Variants in ATP7B observed in about 807,000 individuals in gnomAD.
ATP7B encodes copper-transporting ATPase 2.
A neutral mutation model predicts 118.9 loss-of-function variants in ATP7B; 113 were observed. That is an observed-to-expected ratio of 0.95 (90% CI 0.82 to 1.11). The LOEUF (loss-of-function observed/expected upper bound fraction) is 1.11, where lower values mean the gene tolerates loss of function less well. Among genes scored for constraint, ATP7B ranks in the 50% most tolerant of loss-of-function variants. ATP7B has a pLI of 0.00. For missense variants in ATP7B, 1,867 were observed against 1,871.4 expected, an observed-to-expected ratio of 1.00 and a Z score of 0.04; for synonymous variants, 777 against 727.4, an observed-to-expected ratio of 1.07 and a Z score of -1.10.
chr13:51,973,147 G>A (rs1951922812), intron 2 of ATP7B, among the ~76,000 whole-genome samples: 1 of 152,136 alleles, frequency 6.6e-6, no homozygotes, highest in South Asian at 2.1e-4. Flanking sequence ...TTACCAGCAT[G>A]GTCTCTAGGT....
chr13:51,954,505 G>C (rs1452364333), intron 9 of ATP7B, among the ~76,000 whole-genome samples: 1 of 152,268 alleles, frequency 6.6e-6, no homozygotes, highest in Non-Finnish European at 1.5e-5. Context: ...AGTATGAAGA[G>C]ACAGCTGCGG....
At chr13:51,937,415 T>G in intron 18 of ATP7B, 22 bp from the exon 19 acceptor site, 6 of 1,614,144 alleles carry the variant, frequency 3.7e-6, no homozygotes, top group Non-Finnish European at 5.1e-6. Context: ...GAGCACACAG[T>G]GAGGAAGGGG....
At position 51,960,186 on chromosome 13, in the gene ATP7B, G is replaced by A; in HGVS notation, c.2083C>T (p.Leu695=). 2 of 1,613,986 alleles carry A rather than the reference G, an allele frequency of 1.2e-6. No homozygotes were observed. Among genetic ancestry groups the A allele is most frequent in the South Asian group, 2.2e-5 (2 of 91,074 alleles). The change falls in exon 7 of 21, where the codon CTA becomes TTA. Residue 695 remains leucine, a synonymous_variant. Transcript: ENST00000242839. ...DHNIIPGLSI[L]NLIFFILCTF... ...CACAAGATAAAGAAGATGAGATTTA[G>A]AATGGACAGTCCTGGAATGATGTTG...
chr13:51,974,407 G>C lies in ATP7B; in HGVS notation c.813C>G (p.Cys271Trp). The C allele has an allele frequency of 1.2e-6, 2 of 1,613,964 alleles. No individual in the cohort carries two copies. Among genetic ancestry groups the C allele is most frequent in the African/African-American group, 1.3e-5 (1 of 74,998 alleles). ...CAATATTTTCTTCAATATTCAAGACGCAAGACTTACAATGCATTCCATCTA... is the reference window on the plus strand; with the variant it reads ...CAATATTTTCTTCAATATTCAAGACCCAAGACTTACAATGCATTCCATCTA... ...LRIDGMHCKS[C>W]VLNIEENIGQ... Residue 271 changes from cysteine (C) to tryptophan (W), a missense_variant, in exon 2 of 21, where the codon TGC becomes TGG. By Grantham distance (215) the Cys-to-Trp change is radical. Coordinates refer to ENST00000242839, the MANE Select transcript of ATP7B (RefSeq NM_000053.4).
chr13:51,939,000 T>C (rs1480129579), intron 17 of ATP7B, 51 bp downstream of exon 17: 6 of 1,614,020 alleles, frequency 3.7e-6, no homozygotes, highest in Non-Finnish European at 5.1e-6. Context: ...TACTTTTGTC[T>C]CTAACTGCTT....
chr13:51,960,330 G>A lies in ATP7B; in HGVS notation c.1947-8C>T. The A allele has an allele frequency of 6.2e-7, 1 of 1,612,206 alleles. No individual in the cohort carries two copies. Among genetic ancestry groups the A allele is most frequent in the Non-Finnish European group, 8.5e-7 (1 of 1,179,532 alleles). On this transcript the variant is annotated splice_region_variant and splice_polypyrimidine_tract_variant and intron_variant, in intron 6 of 20. Coordinates refer to ENST00000242839, the MANE Select transcript of ATP7B (RefSeq NM_000053.4). ...AGGAAAGACTTCTTCCACCTGGAAAGCAAATGCAGCAACACAGATATATCA... is the reference window on the plus strand; with the variant it reads ...AGGAAAGACTTCTTCCACCTGGAAAACAAATGCAGCAACACAGATATATCA...
rs1266650134 is a variant in ATP7B at position 51,934,200 on chromosome 13, G to C, written c.*556C>G. The stretch of plus-strand genomic sequence containing the variant: ...CAGGTGACAGGCAGGGTTGCGAGGG[G>C]TCCCCACTGACAAGCACACAGGAGA... On this transcript the variant is annotated 3_prime_UTR_variant, in exon 21 of 21. Coordinates refer to ENST00000242839, the MANE Select transcript of ATP7B (RefSeq NM_000053.4). The C allele has an allele frequency of 5.3e-6, 1 of 188,532 alleles. No individual in the cohort carries two copies. Among genetic ancestry groups the C allele is most frequent in the Non-Finnish European group, 1.1e-5 (1 of 89,228 alleles). The allele number at this position is 188,532 out of a possible 1,614,324, so 11.7% of individuals were successfully genotyped here.
Position 51,934,836 on chromosome 13 carries a change from G to A in ATP7B, c.4318C>T (p.Arg1440Trp), listed in dbSNP as rs543334965. 34 of 1,614,206 alleles carry A rather than the reference G, an allele frequency of 2.1e-5. 1 individual carries two copies. The highest frequency in any genetic ancestry group is 1.1e-4 in the South Asian group (10 of 91,086). The change falls in exon 21 of 21, where the codon CGG (arginine) becomes TGG (tryptophan). Residue 1440 changes from arginine (R) to tryptophan (W), a missense_variant. Coordinates refer to ENST00000242839, the MANE Select transcript of ATP7B (RefSeq NM_000053.4). ...TCATCGTCTGCTGCAGCGCTGTGCCGAGATGGCTTGTCGGACGTCAGGGAG... is the reference window on the plus strand; with the variant it reads ...TCATCGTCTGCTGCAGCGCTGTGCCAAGATGGCTTGTCGGACGTCAGGGAG... ...LSSLTSDKPS[R>W]HSAAADDDGD...
intron 13 of ATP7B, among the ~76,000 whole-genome samples, chr13:51,944,814 C>T (rs1957548091): frequency 6.6e-6 from 1 of 152,194 alleles, no homozygotes; most frequent in Non-Finnish European, 1.5e-5. Flanking sequence ...TTAAGTTGGT[C>T]ACACTTAGTC....
At chr13:51,964,199 C>T (rs115313020) in intron 5 of ATP7B, among the ~76,000 whole-genome samples, 221 of 151,930 alleles carry the variant, frequency 1.5e-3, no homozygotes, top group African/African-American at 4.8e-3. Flanking sequence ...ATTTCATAAG[C>T]GATTTTATAA....
In ATP7B at chr13:51,959,987, AAG is replaced by A. The variant is rs1958623022; in HGVS notation, c.2121+159_2121+160del. 14 of 1,007,862 alleles carry A rather than the reference AAG, an allele frequency of 1.4e-5. No homozygotes were observed. In the South Asian group the frequency reaches 2.1e-4, roughly 15 times the overall value. 62.4% of individuals were successfully genotyped at this position (1,007,862 alleles called of 1,614,324 possible). A position where few individuals can be genotyped will look rare whatever the true frequency, so the allele number is the denominator to read the frequency against. On this transcript the variant is annotated intron_variant, in intron 7 of 20. Coordinates refer to ENST00000242839, the MANE Select transcript of ATP7B (RefSeq NM_000053.4). ...CCCCAAGCCCCACCTACTGGTCATTAAGAGAGAAAAAAAGCAGCAACTGCCTG... is the reference window on the plus strand; with the variant it reads ...CCCCAAGCCCCACCTACTGGTCATTAAGAGAAAAAAAGCAGCAACTGCCTG...
intron 1 of ATP7B, 95 bp downstream of exon 1, chr13:52,011,192 G>A (rs1217635333): frequency 6.3e-7 from 1 of 1,589,596 alleles, no homozygotes; most frequent in South Asian, 1.1e-5. Flanking sequence ...CCTTCCCTGC[G>A]CACCCCCTGG....
At chr13:51,958,198 T>C in intron 8 of ATP7B, 113 bp downstream of exon 8, 1 of 1,269,166 alleles carries the variant, frequency 7.9e-7, no homozygotes, top group Non-Finnish European at 1.1e-6. Flanking sequence ...TCCTATTTCT[T>C]TAAGTCTGTC....
chr13:51,940,985 GTCT>G, intron 16 of ATP7B, 93 bp downstream of exon 16: 4 of 1,555,782 alleles, frequency 2.6e-6, no homozygotes, highest in Non-Finnish European at 3.5e-6. Flanking sequence ...GCTTTTGTTT[GTCT>G]TCTTTTCTTT....
chr13:51,965,116 G>A, intron 4 of ATP7B, 83 bp from the exon 5 acceptor site: 3 of 1,569,000 alleles, frequency 1.9e-6, no homozygotes, highest in Non-Finnish European at 2.6e-6. Context: ...CTAGGTAACA[G>A]GCAGCCAAGA....
intron 1 of ATP7B, among the ~76,000 whole-genome samples, chr13:51,996,757 C>T (rs1018191169): frequency 2.0e-5 from 3 of 152,210 alleles, no homozygotes; most frequent in Non-Finnish European, 4.4e-5. Context: ...CTGGTCCATG[C>T]ACCAAAGCCC....
At chr13:51,970,352 G>A in intron 3 of ATP7B, 140 bp downstream of exon 3, 2 of 1,209,586 alleles carry the variant, frequency 1.7e-6, no homozygotes, top group Admixed American at 1.8e-5. Context: ...AAGGACATTA[G>A]ACAAACATTT....
chr13:51,958,867 C>T (rs921332168), intron 7 of ATP7B: 1 of 398,698 alleles, frequency 2.5e-6, no homozygotes, highest in African/African-American at 2.0e-5. Context: ...CATTCCATTC[C>T]CTAAAGAGAA....
At chr13:51,962,858 G>A (rs576786016) in intron 5 of ATP7B, among the ~76,000 whole-genome samples, 1 of 152,152 alleles carries the variant, frequency 6.6e-6, no homozygotes, top group East Asian at 1.9e-4. Context: ...TTGGGAGGCC[G>A]AGGCAGGTGG....
Sources: allele counts gnomAD v4.1 joint callset (sites outside exome capture counted in the v4.1 genomes callset), GRCh38; gene constraint gnomAD v4.1.1; transcripts MANE v1.5; gene names NCBI Gene and HGNC (gene_info 2026-07-23, HGNC 2026-07-21).